The following TTC7B variants were observed in gnomAD, a reference collection of about 807,000 sequenced individuals.
The protein encoded by TTC7B is tetratricopeptide repeat domain 7B.
In TTC7B, 28 loss-of-function variants were observed where a neutral mutation model predicts 106.8. That is an observed-to-expected ratio of 0.26 (90% CI 0.19 to 0.36). TTC7B has a LOEUF of 0.36. Ranked by LOEUF, TTC7B falls within the 10% of genes least tolerant of loss-of-function variation. TTC7B has a pLI of 1.00. For missense variants in TTC7B, 862 were observed against 1,076.4 expected (o/e 0.80, Z 2.79); for synonymous variants, 405 against 430.6 (o/e 0.94, Z 0.74).
chr14:90,765,458 T>TA (rs1890644230), intron 3 of TTC7B, among the ~76,000 whole-genome samples: 1 of 152,224 alleles, frequency 6.6e-6, no homozygotes, highest in African/African-American at 2.4e-5. Context: ...GGTTGAATTG[T>TA]ATGGTATATG....
intron 12 of TTC7B, among the ~76,000 whole-genome samples, chr14:90,654,482 C>G (rs1467596115): frequency 6.6e-6 from 1 of 152,126 alleles, no homozygotes; most frequent in African/African-American, 2.4e-5. Context: ...ATCACTGCGC[C>G]CAAGACCCCT....
chr14:90,545,068 C>T (rs1889770016), intron 19 of TTC7B, among the ~76,000 whole-genome samples: 1 of 152,214 alleles, frequency 6.6e-6, no homozygotes, highest in Non-Finnish European at 1.5e-5. Flanking sequence ...GCTTTAGATA[C>T]AAGAAGACAC....
intron 3 of TTC7B, chr14:90,766,427 G>T (rs1037647031): frequency 7.1e-6 from 4 of 567,270 alleles, no homozygotes; most frequent in African/African-American, 1.9e-5. Flanking sequence ...AGAAAATGAT[G>T]TATGAACAAA....
chr14:90,649,512 C>T (rs1283564851), intron 13 of TTC7B, among the ~76,000 whole-genome samples: 1 of 152,180 alleles, frequency 6.6e-6, no homozygotes, highest in Non-Finnish European at 1.5e-5. Context: ...GCCTTCTGAA[C>T]TCTGTAAATG....
intron 18 of TTC7B, among the ~76,000 whole-genome samples, chr14:90,591,594 G>A (rs1429124099): frequency 6.6e-6 from 1 of 152,182 alleles, no homozygotes; most frequent in Non-Finnish European, 1.5e-5. Flanking sequence ...GGTCAGGGGG[G>A]CTAGTTCCAC....
intron 5 of TTC7B, chr14:90,697,386 G>A (rs1887797186): frequency 1.4e-5 from 2 of 147,698 alleles, no homozygotes; most frequent in Middle Eastern, 3.4e-3. Flanking sequence ...CAAGCTCACA[G>A]GCCCAGTGAG....
In TTC7B at chr14:90,618,014, G is replaced by A. The variant is rs777250863; in HGVS notation, c.1783C>T (p.Leu595Phe). ...LLFSKVKLQSLCRGPDEALLT... is the reference protein window; with the variant it reads ...LLFSKVKLQSFCRGPDEALLT... Reference sequence around the variant, plus strand: ...AGTGCCTCGTCCGGGCCTCGGCAGAGTGACTGCAACTTCACTTTGGAAAAC... The same window carrying A: ...AGTGCCTCGTCCGGGCCTCGGCAGAATGACTGCAACTTCACTTTGGAAAAC... The change falls in exon 16 of 20, where the codon CTC becomes TTC. Residue 595 changes from leucine (L) to phenylalanine (F), a missense_variant. Physicochemically the swap from Leu to Phe is conservative, Grantham distance 22. Coordinates refer to ENST00000328459, the MANE Select transcript of TTC7B (RefSeq NM_001010854.2). The A allele has an allele frequency of 6.2e-7, 1 of 1,613,732 alleles. No homozygotes were observed. The highest frequency in any genetic ancestry group is 2.2e-5 in the East Asian group (1 of 44,896).
intron 2 of TTC7B, 57 bp downstream of exon 2, chr14:90,786,117 T>C: frequency 6.8e-7 from 1 of 1,472,116 alleles, no homozygotes; most frequent in Non-Finnish European, 9.0e-7. Context: ...CTGGGCACCC[T>C]TCTCAACCCC....
At position 90,600,311 on chromosome 14, in the gene TTC7B, G is replaced by A. The variant is rs757469436; in HGVS notation, c.1967-6685C>T. Among the ~76,000 whole-genome samples, 2 of 152,154 alleles carry A rather than the reference G, an allele frequency of 1.3e-5. No individual in the cohort carries two copies. Among genetic ancestry groups the A allele is most frequent in the East Asian group, 3.9e-4 (2 of 5,184 alleles). ...ACTCCAGGTGGTGGCTCCTTGCACC[G>A]CGCTGTCACAGCTCTCCTCTCCATC... On this transcript the variant is annotated intron_variant, in intron 17 of 19. Transcript: ENST00000328459. The surrounding 1 kb of genome is among the most constrained non-coding windows in gnomAD (Gnocchi z 4.3).
chr14:90,725,820 T>A (rs927862333), intron 5 of TTC7B, among the ~76,000 whole-genome samples: 1 of 152,240 alleles, frequency 6.6e-6, no homozygotes, highest in African/African-American at 2.4e-5. Context: ...GAAAACACAC[T>A]ACAATCCGTT....
chr14:90,740,494 C>CGT (rs757997776), intron 4 of TTC7B, among the ~76,000 whole-genome samples: 15 of 78,314 alleles, frequency 1.9e-4, no homozygotes, highest in Non-Finnish European at 9.1e-5. Flanking sequence ...AATTCTTTGA[C>CGT]TTTTTTTTTT....
chr14:90,800,735 T>C (rs1211827137), intron 1 of TTC7B, among the ~76,000 whole-genome samples: 11 of 151,072 alleles, frequency 7.3e-5, no homozygotes, highest in Non-Finnish European at 3.0e-5. Flanking sequence ...GGTGTGAACC[T>C]GGGAGGCGGA....
intron 1 of TTC7B, among the ~76,000 whole-genome samples, chr14:90,787,328 T>C (rs1891427703): frequency 6.6e-6 from 1 of 152,176 alleles, no homozygotes; most frequent in Non-Finnish European, 1.5e-5. Context: ...CCCAGACTCT[T>C]CTGAATAAAC....
chr14:90,680,351 T>C, intron 8 of TTC7B, 121 bp downstream of exon 8: 1 of 723,770 alleles, frequency 1.4e-6, no homozygotes, highest in Non-Finnish European at 2.3e-6. Context: ...CCCATCCAGG[T>C]ATACCCTCTA....
intron 8 of TTC7B, among the ~76,000 whole-genome samples, chr14:90,677,607 T>C (rs1404146934): frequency 6.6e-6 from 1 of 152,216 alleles, no homozygotes; most frequent in Admixed American, 6.5e-5. Context: ...CAGATCCATC[T>C]GTCTGTAGGA....
intron 19 of TTC7B, among the ~76,000 whole-genome samples, chr14:90,556,159 G>A (rs931484250): frequency 6.6e-6 from 1 of 152,268 alleles, no homozygotes; most frequent in Admixed American, 6.5e-5. Flanking sequence ...TCCACTGGCG[G>A]CAGCGCTGGC....
Position 90,802,549 on chromosome 14 carries a change from C to A in TTC7B, c.121+13626G>T, listed in dbSNP as rs994010868. 2.0e-5 allele frequency among the ~76,000 whole-genome samples: 3 copies of A among 152,234 alleles called. No homozygotes were observed. Among genetic ancestry groups the A allele is most frequent in the Admixed American group, 2.0e-4 (3 of 15,298 alleles). Reference sequence around the variant, plus strand: ...GGAGTTTCCTAATTGCTTTTATTTCCTCAGTAAAGTATGAGGCAAGGTCAT... The same window carrying A: ...GGAGTTTCCTAATTGCTTTTATTTCATCAGTAAAGTATGAGGCAAGGTCAT... On this transcript the variant is annotated intron_variant, in intron 1 of 19. Transcript: ENST00000328459. The surrounding 1 kb of genome is among the most constrained non-coding windows in gnomAD (Gnocchi z 4.7).
chr14:90,723,304 C>A (rs931321679), intron 5 of TTC7B, among the ~76,000 whole-genome samples: 4 of 152,200 alleles, frequency 2.6e-5, no homozygotes, highest in African/African-American at 9.6e-5. Context: ...TTCTCTTGGT[C>A]TCTATACCCT....
intron 15 of TTC7B, among the ~76,000 whole-genome samples, chr14:90,636,442 A>G (rs1484683772): frequency 2.6e-5 from 4 of 151,358 alleles, no homozygotes; most frequent in Admixed American, 6.6e-5. Context: ...AAAAAAAAAA[A>G]AAAAAGCCAA....
Sources: allele counts gnomAD v4.1 joint callset (sites outside exome capture counted in the v4.1 genomes callset), GRCh38; gene constraint gnomAD v4.1.1; non-coding constraint Gnocchi (gnomAD v3.1); transcripts MANE v1.5; gene names NCBI Gene and HGNC (gene_info 2026-07-23, HGNC 2026-07-21).